The following PKP2 variants were observed in gnomAD, a reference collection of about 807,000 sequenced individuals.
PKP2 encodes the protein plakophilin-2.
PKP2 carries 73 observed loss-of-function variants against 83.4 expected under a neutral mutation model. The ratio of observed to expected loss-of-function variants is 0.88; its 90% CI spans 0.72 to 1.06. The LOEUF is 1.06. PKP2 is among the 50% of genes least tolerant of loss of function. The pLI is 0.00. For synonymous variants in PKP2, 409 were observed against 430.4 expected, an observed-to-expected ratio of 0.95 and a Z score of 0.62; for missense variants, 966 against 1,065.4, an observed-to-expected ratio of 0.91 and a Z score of 1.30.
intron 9 of PKP2, among the ~76,000 whole-genome samples, chr12:32,810,332 T>C (rs890531142): frequency 6.8e-6 from 1 of 146,020 alleles, no homozygotes; most frequent in African/African-American, 2.5e-5. Context: ...GTCTATTTTT[T>C]TGCAAAGGTA....
chr12:32,866,878 G>T lies in PKP2; in HGVS notation c.1170+2049C>A, dbSNP rs142512366. On this transcript the variant is annotated intron_variant, in intron 4 of 12. Transcript: ENST00000340811. ...GAAGACTTGTATACAAATGTTCACG[G>T]TAGCTTTATTTGTAATAGCCAAAAC... Among the ~76,000 whole-genome samples the T allele has an allele frequency of 2.0e-4, 30 of 152,272 alleles. No homozygotes were observed. In the East Asian group the frequency reaches 5.8e-3, roughly 29 times the overall value.
At chr12:32,883,864 A>T (rs1427231599) in intron 1 of PKP2, among the ~76,000 whole-genome samples, 1 of 152,202 alleles carries the variant, frequency 6.6e-6, no homozygotes, top group Non-Finnish European at 1.5e-5. Flanking sequence ...GGGTTTCAGG[A>T]CGTGTCATCC....
chr12:32,797,699 G>C (rs1210770710), intron 10 of PKP2, among the ~76,000 whole-genome samples: 2 of 151,584 alleles, frequency 1.3e-5, no homozygotes, highest in Non-Finnish European at 2.9e-5. Flanking sequence ...GGGATTACAG[G>C]TGCCCGCCAC....
chr12:32,885,835 T>C (rs1396183419), intron 1 of PKP2, among the ~76,000 whole-genome samples: 3 of 152,224 alleles, frequency 2.0e-5, no homozygotes, highest in Non-Finnish European at 4.4e-5. Flanking sequence ...GTTTCTTTTA[T>C]AGTAAGCAAA....
chr12:32,796,250 G>T lies in PKP2; in HGVS notation c.2216C>A (p.Pro739Gln), dbSNP rs758834771. 6.2e-7 allele frequency: 1 copy of T among 1,613,700 alleles called. No homozygotes were observed. The highest frequency in any genetic ancestry group is 1.1e-5 in the South Asian group (1 of 91,056). Residue 739 changes from proline (P) to glutamine (Q), a missense_variant, in exon 11 of 13, where the codon CCG (proline) becomes CAG (glutamine). Coordinates refer to ENST00000340811, the MANE Select transcript of PKP2 (RefSeq NM_001005242.3). ...DLVSIIPDTVPSTDLLIETTA... is the reference protein window; with the variant it reads ...DLVSIIPDTVQSTDLLIETTA... ...AGTTTCAATGAGAAGGTCAGTACTC[G>T]GGACTGTGTCAGGAATGATGGAAAC...
intron 6 of PKP2, chr12:32,824,448 T>C (rs1472595106): frequency 1.2e-5 from 5 of 400,224 alleles, no homozygotes; most frequent in African/African-American, 8.2e-5. Context: ...CCATTTTGAG[T>C]GTGGATATGA....
chr12:32,872,407 A>G (rs1167908911), intron 3 of PKP2, among the ~76,000 whole-genome samples: 1 of 152,012 alleles, frequency 6.6e-6, no homozygotes, highest in Non-Finnish European at 1.5e-5. Flanking sequence ...GGTGGCGGGC[A>G]CCTGTAATCC....
chr12:32,872,353 T>G (rs1182308565), intron 3 of PKP2, among the ~76,000 whole-genome samples: 2 of 151,844 alleles, frequency 1.3e-5, no homozygotes, highest in Non-Finnish European at 2.9e-5. Context: ...GCCAACATGG[T>G]GAAACCCCGT....
At chr12:32,881,949 A>G (rs370676648) in intron 1 of PKP2, among the ~76,000 whole-genome samples, 14 of 152,210 alleles carry the variant, frequency 9.2e-5, no homozygotes, top group Admixed American at 2.6e-4. Context: ...GGCCAGGTAC[A>G]GGGAACATAA....
chr12:32,831,051 C>T (rs1395588284), intron 6 of PKP2, among the ~76,000 whole-genome samples: 1 of 152,134 alleles, frequency 6.6e-6, no homozygotes, highest in African/African-American at 2.4e-5. Flanking sequence ...TTAGGTAGGA[C>T]AGAATCCCAA....
At chr12:32,852,412 C>T (rs1230395706) in intron 4 of PKP2, among the ~76,000 whole-genome samples, 1 of 152,072 alleles carries the variant, frequency 6.6e-6, no homozygotes, top group East Asian at 1.9e-4. Context: ...ATTCCTTTGA[C>T]AGGATTGGAG....
intron 1 of PKP2, among the ~76,000 whole-genome samples, chr12:32,885,483 G>A (rs1957022883): frequency 2.0e-5 from 3 of 152,112 alleles, no homozygotes; most frequent in Admixed American, 2.0e-4. Flanking sequence ...GGGAAAGCCT[G>A]TCTCTAAAAC....
chr12:32,858,529 A>T (rs1301319213), intron 4 of PKP2, among the ~76,000 whole-genome samples: 2 of 152,146 alleles, frequency 1.3e-5, no homozygotes, highest in Non-Finnish European at 2.9e-5. Flanking sequence ...ACAACTTTTG[A>T]AACGGCAAAG....
Position 32,802,499 on chromosome 12 carries a change from G to C in PKP2, c.2071C>G (p.Arg691Gly), listed in dbSNP as rs121434421. 4 of 1,613,546 alleles carry C rather than the reference G, an allele frequency of 2.5e-6. No individual in the cohort carries two copies. The African/African-American group carries it at 4.0e-5, about 16-fold the overall frequency. ...VQKESGLQHT[R>G]KMLHVGDPSV... ...GGGTCACCAACATGCAGCATCTTTC[G>C]GGTGTGCTGCAGGCCACTTTCCTTC... The change falls in exon 10 of 13, where the codon CGA becomes GGA. Residue 691 changes from arginine (R) to glycine (G), a missense_variant. Physicochemically the swap from Arg to Gly is moderately radical, Grantham distance 125. Transcript: ENST00000340811.
In PKP2 at chr12:32,814,110, G is replaced by A. The variant is rs78360314; in HGVS notation, c.2013+7246C>T. 1.4e-3 allele frequency among the ~76,000 whole-genome samples: 217 copies of A among 152,122 alleles called. 1 individual carries two copies. In the East Asian group the frequency reaches 0.025, roughly 18 times the overall value. ...TGGCACTCTCTGTCTTCCCAGTTGC[G>A]CTTCTACACTATTCCGTTTTCCCTC... On this transcript the variant is annotated intron_variant, in intron 9 of 12. Transcript: ENST00000340811.
chr12:32,797,574 G>GAA (rs1956139076), intron 10 of PKP2, among the ~76,000 whole-genome samples: 1 of 88,524 alleles, frequency 1.1e-5, no homozygotes, highest in African/African-American at 4.7e-5. Flanking sequence ...TTTTTTTTTT[G>GAA]AAACAGAGTC....
Position 32,868,927 on chromosome 12 carries a change from C to T in PKP2, c.1170G>A (p.Arg390=). ...GCAATGGACTGAAGATGACACTCAC[C>T]CTCTTCCGAGCTTCAGATTTCTGGA... ...ECFQKSEARK[R]VNQLRGILKL... The change falls in exon 4 of 13, where the codon AGG becomes AGA. Residue 390 remains arginine (R), a splice_region_variant and synonymous_variant. Transcript: ENST00000340811. The T allele has an allele frequency of 6.2e-7, 1 of 1,612,754 alleles. No homozygotes were observed. Among genetic ancestry groups the T allele is most frequent in the Non-Finnish European group, 8.5e-7 (1 of 1,179,954 alleles).
chr12:32,803,628 A>C (rs925637142), intron 9 of PKP2, among the ~76,000 whole-genome samples: 1 of 152,184 alleles, frequency 6.6e-6, no homozygotes, highest in South Asian at 2.1e-4. Flanking sequence ...TACAGATTGA[A>C]TATCCCTTCA....
chr12:32,879,261 G>T (rs1956964096), intron 1 of PKP2, among the ~76,000 whole-genome samples: 1 of 152,232 alleles, frequency 6.6e-6, no homozygotes, highest in Non-Finnish European at 1.5e-5. Flanking sequence ...AGCTGGGTGT[G>T]GTGGCGCACG....
Sources: allele counts gnomAD v4.1 joint callset (sites outside exome capture counted in the v4.1 genomes callset), GRCh38; gene constraint gnomAD v4.1.1; transcripts MANE v1.5; gene names NCBI Gene and HGNC (gene_info 2026-07-23, HGNC 2026-07-21).